Variants in FAT3 observed in about 807,000 individuals in gnomAD.
The protein encoded by FAT3 is FAT atypical cadherin 3.
Under a neutral mutation model 310.2 loss-of-function variants are expected in FAT3, and 95 were observed. The ratio of observed to expected loss-of-function variants is 0.31; its 90% CI spans 0.26 to 0.36. The LOEUF (loss-of-function observed/expected upper bound fraction) is 0.36, where lower values mean the gene tolerates loss of function less well. Among genes scored for constraint, FAT3 ranks in the 10% least tolerant of loss-of-function variants. The probability of loss-of-function intolerance (pLI) is 1.00; values close to 1 mark genes in which losing one functional copy is unlikely to be tolerated. For missense variants in FAT3, 5,408 were observed against 5,715.6 expected (o/e 0.95, Z 1.74); for synonymous variants, 2,314 against 2,192.9 (o/e 1.06, Z -1.54).
At position 92,354,399 on chromosome 11, in the gene FAT3, T is replaced by C. The variant is rs539337068; in HGVS notation, c.2287T>C (p.Phe763Leu). ...CTCTGGCTTCAATGGAAAAGTGCTA[T>C]TTACAATATCAGATGGAAATACGGA... ...ADSGFNGKVL[F>L]TISDGNTDSC... The change falls in exon 2 of 28, where the codon TTT becomes CTT. Residue 763 changes from phenylalanine to leucine, a missense_variant. Around this residue, in one of 5 missense-constraint regions of FAT3, gnomAD observed 4,588 missense variants for 4,809.8 expected, o/e 0.95. Coordinates refer to ENST00000525166, the MANE Select transcript of FAT3 (RefSeq NM_001367949.2). The C allele has an allele frequency of 6.2e-7, 1 of 1,613,892 alleles. No individual in the cohort carries two copies. Among genetic ancestry groups the C allele is most frequent in the South Asian group, 1.1e-5 (1 of 91,084 alleles).
At chr11:92,487,893 G>A (rs1325064151) in intron 2 of FAT3, among the ~76,000 whole-genome samples, 2 of 152,190 alleles carry the variant, frequency 1.3e-5, no homozygotes, top group African/African-American at 2.4e-5. Flanking sequence ...TGGGTCTGTG[G>A]TGGACAGACT....
intron 1 of FAT3, among the ~76,000 whole-genome samples, chr11:92,296,690 C>T (rs1946857879): frequency 1.3e-5 from 2 of 152,086 alleles, no homozygotes; most frequent in Non-Finnish European, 2.9e-5. Flanking sequence ...TGAAAAGGCT[C>T]AGCGCGAAAT....
chr11:92,725,680 A>G (rs1944977204), intron 4 of FAT3, among the ~76,000 whole-genome samples: 1 of 152,220 alleles, frequency 6.6e-6, no homozygotes, highest in Non-Finnish European at 1.5e-5. Flanking sequence ...CCTCAGATAC[A>G]GTTGAGATTT....
chr11:92,895,911 G>C lies in FAT3; in HGVS notation c.*4798G>C, dbSNP rs1040021209. 1 of 128,016 alleles carries C rather than the reference G, an allele frequency of 7.8e-6. No homozygotes were observed. Among genetic ancestry groups the C allele is most frequent in the African/African-American group, 3.3e-5 (1 of 30,082 alleles). The allele number at this position is 128,016 out of a possible 1,614,324, so 7.9% of individuals were successfully genotyped here. A position where few individuals can be genotyped will look rare whatever the true frequency, so the allele number is the denominator to read the frequency against. On this transcript the variant is annotated 3_prime_UTR_variant, in exon 28 of 28. Coordinates refer to ENST00000525166, the MANE Select transcript of FAT3 (RefSeq NM_001367949.2). ...CCACGCTGTTGGTCTGCAAACTTTT[G>C]AGGTAACTACACACACACACACACA...
rs962287440 is a variant in FAT3 at position 92,782,292 on chromosome 11, C to T, written c.4336-7651C>T. On this transcript the variant is annotated intron_variant, in intron 7 of 27. Transcript: ENST00000525166. ...AATAAGCTATGATCATGCCCTGAGA[C>T]CCTGTCTCTAAAAAAATTAAAAGGC... 4.6e-5 allele frequency among the ~76,000 whole-genome samples: 7 copies of T among 152,186 alleles called. No individual in the cohort carries two copies. The Middle Eastern group carries it at 0.01, about 222-fold the overall frequency.
chr11:92,639,382 G>T (rs1941877153), intron 3 of FAT3, among the ~76,000 whole-genome samples: 1 of 152,160 alleles, frequency 6.6e-6, no homozygotes, highest in Non-Finnish European at 1.5e-5. Context: ...AGAGCTGGGT[G>T]CCTCTCTCCA....
intron 2 of FAT3, among the ~76,000 whole-genome samples, chr11:92,421,556 T>C (rs1281144029): frequency 6.6e-6 from 1 of 152,230 alleles, no homozygotes; most frequent in Non-Finnish European, 1.5e-5. Flanking sequence ...CATGGATTTA[T>C]GAAATTTGCA....
intron 2 of FAT3, among the ~76,000 whole-genome samples, chr11:92,477,161 A>G (rs910109748): frequency 2.0e-5 from 3 of 152,228 alleles, no homozygotes; most frequent in Non-Finnish European, 2.9e-5. Flanking sequence ...AGACTGTCTG[A>G]CAGCTTTATT....
chr11:92,254,825 C>A (rs1460206669), intron 1 of FAT3, among the ~76,000 whole-genome samples: 3 of 152,092 alleles, frequency 2.0e-5, no homozygotes, highest in Non-Finnish European at 4.4e-5. Flanking sequence ...CCTGCCTCAG[C>A]CTCCCGAGTA....
intron 4 of FAT3, among the ~76,000 whole-genome samples, chr11:92,708,579 A>G (rs1944429232): frequency 6.6e-6 from 1 of 152,232 alleles, no homozygotes; most frequent in Non-Finnish European, 1.5e-5. Context: ...TATAATTAGA[A>G]GCTTTAAAAT....
chr11:92,674,546 A>G (rs1273119744), intron 3 of FAT3, among the ~76,000 whole-genome samples: 2 of 151,804 alleles, frequency 1.3e-5, no homozygotes, highest in Admixed American at 6.6e-5. Context: ...TTTTTAATGC[A>G]GAGTCTCACT....
chr11:92,591,224 G>C lies in FAT3; in HGVS notation c.3607+66276G>C, dbSNP rs191576742. On this transcript the variant is annotated intron_variant, in intron 3 of 27. Transcript: ENST00000525166. ...CCTCTGGCTTTGAAAATGTGGCTTTGGTGACCTCATCTCCTCTTAGGCTGA... is the reference window on the plus strand; with the variant it reads ...CCTCTGGCTTTGAAAATGTGGCTTTCGTGACCTCATCTCCTCTTAGGCTGA... 1.7e-3 allele frequency among the ~76,000 whole-genome samples: 263 copies of C among 152,206 alleles called. 3 individuals carry two copies. The highest frequency in any genetic ancestry group is 5.7e-3 in the African/African-American group (236 of 41,538).
chr11:92,522,733 CT>C (rs1953727744), intron 2 of FAT3, among the ~76,000 whole-genome samples: 1 of 152,150 alleles, frequency 6.6e-6, no homozygotes, highest in African/African-American at 2.4e-5. Context: ...CACAAACTGT[CT>C]TTGTGTCCTA....
chr11:92,449,971 C>A (rs567710689), intron 2 of FAT3, among the ~76,000 whole-genome samples: 3 of 152,296 alleles, frequency 2.0e-5, no homozygotes, highest in African/African-American at 7.2e-5. Flanking sequence ...CATGGCCAAC[C>A]ATTGAACTTG....
At position 92,751,547 on chromosome 11, in the gene FAT3, A is replaced by C. The variant is rs139660475; in HGVS notation, c.3670-10309A>C. 7.2e-4 allele frequency among the ~76,000 whole-genome samples: 109 copies of C among 152,308 alleles called. No individual in the cohort carries two copies. The East Asian group carries it at 0.018, about 25-fold the overall frequency. On this transcript the variant is annotated intron_variant, in intron 4 of 27. Coordinates refer to ENST00000525166, the MANE Select transcript of FAT3 (RefSeq NM_001367949.2). ...AGAGAGGATCTAATTGCACAAAATA[A>C]GGTTCTCAAGTCTTGAGTGCTGAAA...
intron 1 of FAT3, among the ~76,000 whole-genome samples, chr11:92,277,839 C>T (rs1946315782): frequency 6.6e-6 from 1 of 151,900 alleles, no homozygotes; most frequent in African/African-American, 2.4e-5. Flanking sequence ...ACATGTAACC[C>T]CTGATTCTAA....
chr11:92,259,197 G>T (rs893007497), intron 1 of FAT3, among the ~76,000 whole-genome samples: 3 of 152,050 alleles, frequency 2.0e-5, no homozygotes, highest in Admixed American at 6.6e-5. Flanking sequence ...TTATTTAAGA[G>T]AATTAGAGAA....
At chr11:92,592,442 C>G (rs972533245) in intron 3 of FAT3, among the ~76,000 whole-genome samples, 3 of 151,538 alleles carry the variant, frequency 2.0e-5, no homozygotes, top group African/African-American at 7.3e-5. Context: ...CTGCCTCAGC[C>G]TCCTGAGTAG....
intron 4 of FAT3, among the ~76,000 whole-genome samples, chr11:92,710,117 A>G (rs1944475856): frequency 1.3e-5 from 2 of 152,354 alleles, no homozygotes; most frequent in African/African-American, 2.4e-5. Context: ...AAAAATGTCA[A>G]TATTTTAAAA....
Sources: allele counts gnomAD v4.1 joint callset (sites outside exome capture counted in the v4.1 genomes callset), GRCh38; gene constraint gnomAD v4.1.1; regional missense constraint gnomAD v4.1.1; transcripts MANE v1.5; gene names NCBI Gene and HGNC (gene_info 2026-07-23, HGNC 2026-07-21).